Variants in SLC6A16 observed in about 807,000 individuals in gnomAD.
SLC6A16 encodes orphan sodium- and chloride-dependent neurotransmitter transporter NTT5.
In SLC6A16, 54 loss-of-function variants were observed where a neutral mutation model predicts 65.4. That is an observed-to-expected ratio of 0.83 (90% CI 0.66 to 1.04). SLC6A16 has a LOEUF of 1.04. Among genes scored for constraint, SLC6A16 ranks in the 50% least tolerant of loss-of-function variants. SLC6A16 has a pLI of 0.00. For missense variants in SLC6A16, 816 were observed against 914.0 expected, an observed-to-expected ratio of 0.89 and a Z score of 1.38; for synonymous variants, 330 against 346.5, an observed-to-expected ratio of 0.95 and a Z score of 0.53.
At chr19:49,321,717 C>A (rs980549450) in intron 1 of SLC6A16, among the ~76,000 whole-genome samples, 1 of 150,962 alleles carries the variant, frequency 6.6e-6, no homozygotes, top group African/African-American at 2.5e-5. Context: ...GCCTGGGTGA[C>A]AGAGCAAGAC....
the SLC6A16 span, chr19:49,331,766 C>G: frequency 4.4e-6 from 2 of 457,302 alleles, no homozygotes; most frequent in South Asian, 3.1e-5. Context: ...TTCCATTGGC[C>G]CAAGACCAGT....
the SLC6A16 span, among the ~76,000 whole-genome samples, chr19:49,330,948 A>C: frequency 1.7e-3 from 222 of 127,664 alleles, 2 homozygotes; most frequent in Middle Eastern, 8.1e-3. Context: ...AAAAAACACA[A>C]AAAAAAAAAC....
At chr19:49,335,914 A>G in the SLC6A16 span, 1 of 745,588 alleles carries the variant, frequency 1.3e-6, no homozygotes, top group Non-Finnish European at 2.3e-6. This position sits in a 1 kb window ranked among gnomAD's most constrained non-coding sequence, Gnocchi z 4.6. Context: ...TCCACTGCTC[A>G]CCGGAGGCTT....
chr19:49,316,541 G>A (rs146674668), intron 1 of SLC6A16, among the ~76,000 whole-genome samples: 2 of 152,256 alleles, frequency 1.3e-5, no homozygotes, highest in East Asian at 3.9e-4. Flanking sequence ...AAAACTAGAA[G>A]ATGTCTTGCC....
rs757719908 is a variant in SLC6A16 at position 49,310,077 on chromosome 19, C to A, written c.663G>T (p.Trp221Cys). Residue 221 changes from tryptophan (W) to cysteine (C), a missense_variant, in exon 4 of 12, where the codon TGG (tryptophan) becomes TGT (cysteine). Coordinates refer to ENST00000335875, the MANE Select transcript of SLC6A16 (RefSeq NM_014037.3). ...MSQSFQFPVP[W>C]EKCPLTMNSS... ...AGTTCATCGTTAAGGGACATTTCTC[C>A]CATGGAACGGGAAACTGGAAGGACT... 6.2e-7 allele frequency: 1 copy of A among 1,614,110 alleles called. No homozygotes were observed. The highest frequency in any genetic ancestry group is 8.5e-7 in the Non-Finnish European group (1 of 1,180,034).
chr19:49,326,494 T>C (rs1568543898), upstream of SLC6A16, among the ~76,000 whole-genome samples: 2 of 152,248 alleles, frequency 1.3e-5, no homozygotes, highest in East Asian at 1.9e-4. Flanking sequence ...ATTGTTATGA[T>C]TGAACAAAGA....
chr19:49,339,736 G>C, the SLC6A16 span: 1 of 1,398,006 alleles, frequency 7.2e-7, no homozygotes, highest in Non-Finnish European at 9.3e-7. The surrounding 1 kb of genome is among the most constrained non-coding windows in gnomAD (Gnocchi z 4.5). Flanking sequence ...GCCGGGCGCT[G>C]GGGATTCGAG....
chr19:49,339,888 G>T, the SLC6A16 span: 1 of 1,341,488 alleles, frequency 7.5e-7, no homozygotes, highest in South Asian at 1.6e-5. This position sits in a 1 kb window ranked among gnomAD's most constrained non-coding sequence, Gnocchi z 4.5. Context: ...GGCTCTGGCC[G>T]CTGTGGGTTC....
the SLC6A16 span, chr19:49,339,667 A>T: frequency 1.4e-6 from 2 of 1,428,036 alleles, no homozygotes; most frequent in East Asian, 2.5e-5. This position sits in a 1 kb window ranked among gnomAD's most constrained non-coding sequence, Gnocchi z 4.5. Flanking sequence ...GATGACTGTC[A>T]TGGTGCTGAG....
chr19:49,306,537 T>G (rs994407949), intron 7 of SLC6A16, among the ~76,000 whole-genome samples: 1 of 150,992 alleles, frequency 6.6e-6, no homozygotes, highest in African/African-American at 2.4e-5. Context: ...GTTCTTTGTT[T>G]TTTTTTTTTC....
Position 49,311,248 on chromosome 19 carries a change from C to G in SLC6A16, c.100G>C (p.Asp34His). 6.2e-7 allele frequency: 1 copy of G among 1,614,094 alleles called. No individual in the cohort carries two copies. Among genetic ancestry groups the G allele is most frequent in the Non-Finnish European group, 8.5e-7 (1 of 1,179,998 alleles). The change falls in exon 2 of 12, where the codon GAC (aspartate) becomes CAC (histidine). Residue 34 changes from aspartate to histidine, a missense_variant. Transcript: ENST00000335875. ...GCAGACCGGGTCAATGAACCCTTGT[C>G]TTCCCACGTTTGACTTCCTGGGACA... Reference protein sequence around the residue: ...DSVPGSQTWEDKGSLTRSATS... With the variant: ...DSVPGSQTWEHKGSLTRSATS...
chr19:49,290,749 C>G lies in SLC6A16; in HGVS notation c.1797G>C (p.Thr599=). 2 of 1,610,802 alleles carry G rather than the reference C, an allele frequency of 1.2e-6. No individual in the cohort carries two copies. The highest frequency in any genetic ancestry group is 2.2e-5 in the East Asian group (1 of 44,784). Reference sequence around the variant, plus strand: ...GAGAGATGGGGTGGCCCAACAGGATCGTCAGGTCTGCAAGGAACCTGGAGA... The same window carrying G: ...GAGAGATGGGGTGGCCCAACAGGATGGTCAGGTCTGCAAGGAACCTGGAGA... ...YGARRFLADL[T]ILLGHPISPI... is the part of the protein sequence containing the mutation. Residue 599 remains threonine (T), a synonymous_variant, in exon 11 of 12, where the codon ACG becomes ACC. Coordinates refer to ENST00000335875, the MANE Select transcript of SLC6A16 (RefSeq NM_014037.3).
upstream of SLC6A16, among the ~76,000 whole-genome samples, chr19:49,326,710 T>C (rs1970801484): frequency 6.6e-6 from 1 of 152,062 alleles, no homozygotes. Flanking sequence ...AATTACATGA[T>C]TATAAATTGT....
chr19:49,325,866 C>T (rs1311046099), upstream of SLC6A16, among the ~76,000 whole-genome samples: 1 of 152,046 alleles, frequency 6.6e-6, no homozygotes, highest in Non-Finnish European at 1.5e-5. Context: ...AATTTCTACT[C>T]CAAAAGAAAT....
In SLC6A16 at chr19:49,309,311, A is replaced by T. The variant is rs1435501665; in HGVS notation, c.977T>A (p.Val326Glu). 6.2e-7 allele frequency: 1 copy of T among 1,612,624 alleles called. No homozygotes were observed. The highest frequency in any genetic ancestry group is 8.5e-7 in the Non-Finnish European group (1 of 1,178,732). ...EGAKFGLQQL[V>E]VAKISDVYNM... ...GGAGATAGATTTCACCTTGGCAACCACCAACTGTTGAAGGCCAAATTTTGC... is the reference window on the plus strand; with the variant it reads ...GGAGATAGATTTCACCTTGGCAACCTCCAACTGTTGAAGGCCAAATTTTGC... The change falls in exon 6 of 12, where the codon GTG becomes GAG. Residue 326 changes from valine (V) to glutamate (E), a missense_variant. Transcript: ENST00000335875.
chr19:49,327,989 T>C (rs181344), upstream of SLC6A16, among the ~76,000 whole-genome samples: 100,660 of 152,040 alleles, frequency 0.66, 34,078 homozygotes, highest in East Asian at 0.83. Context: ...TAGGTCATGG[T>C]CGGAATTTTT....
intron 10 of SLC6A16, 116 bp downstream of exon 10, chr19:49,293,107 T>A: frequency 1.2e-6 from 1 of 855,824 alleles, no homozygotes; most frequent in Non-Finnish European, 1.8e-6. Context: ...CCCAGAAGAC[T>A]CTGAACTTAA....
intron 1 of SLC6A16, among the ~76,000 whole-genome samples, chr19:49,318,770 TCAGCTCACTG>T (rs1254147528): frequency 6.6e-6 from 1 of 151,956 alleles, no homozygotes; most frequent in Non-Finnish European, 1.5e-5. Flanking sequence ...CACACTGATC[TCAGCTCACTG>T]CAGCCTCTGC....
chr19:49,330,980 G>A, the SLC6A16 span, among the ~76,000 whole-genome samples: 2 of 150,790 alleles, frequency 1.3e-5, no homozygotes. Context: ...CCCGCCCCCA[G>A]AGTTTCTGAT....
Sources: allele counts gnomAD v4.1 joint callset (sites outside exome capture counted in the v4.1 genomes callset), GRCh38; gene constraint gnomAD v4.1.1; non-coding constraint Gnocchi (gnomAD v3.1); transcripts MANE v1.5; gene names NCBI Gene and HGNC (gene_info 2026-07-23, HGNC 2026-07-21).